The following MAP2 variants were observed in gnomAD, a reference collection of about 807,000 sequenced individuals.
MAP2 encodes the protein microtubule-associated protein 2.
In MAP2, 14 loss-of-function variants were observed where a neutral mutation model predicts 137.6. That is an observed-to-expected ratio of 0.10 (90% CI 0.07 to 0.16). The LOEUF (loss-of-function observed/expected upper bound fraction) is 0.16. Ranked by LOEUF, MAP2 falls within the 10% of genes least tolerant of loss-of-function variation. The pLI is 1.00. For missense variants in MAP2, 2,088 were observed against 2,191.5 expected (o/e 0.95, Z 0.94); for synonymous variants, 786 against 782.3 (o/e 1.00, Z -0.08).
chr2:209,569,434 T>A (rs2074035031), intron 2 of MAP2, among the ~76,000 whole-genome samples: 2 of 151,758 alleles, frequency 1.3e-5, no homozygotes, highest in South Asian at 2.1e-4. Context: ...ACAGGCAGAG[T>A]CTTGCCTTCA....
intron 1 of MAP2, among the ~76,000 whole-genome samples, chr2:209,434,885 T>TTATATATGTTA (rs1559157325): frequency 4.0e-5 from 3 of 74,648 alleles, no homozygotes; most frequent in African/African-American, 7.8e-5. Flanking sequence ...TATATATATG[T>TTATATATGTTA]TATATATATG....
chr2:209,487,851 T>A (rs2149925626), intron 1 of MAP2, among the ~76,000 whole-genome samples: 1 of 152,300 alleles, frequency 6.6e-6, no homozygotes, highest in Non-Finnish European at 1.5e-5. Flanking sequence ...TTAAACTATT[T>A]ATATACCTAA....
chr2:209,690,202 C>T lies in MAP2; in HGVS notation c.455-2423C>T, dbSNP rs372763808. Among the ~76,000 whole-genome samples, 7 of 150,588 alleles carry T rather than the reference C, an allele frequency of 4.6e-5. No individual in the cohort carries two copies. The South Asian group carries it at 1.5e-3, about 32-fold the overall frequency. On this transcript the variant is annotated intron_variant, in intron 7 of 15. Transcript: ENST00000682079. Reference sequence around the variant, plus strand: ...AACAAATTTAAAGGCTTTTTTTTTTCAGTACATCAGTACATCCATCTTTTC... The same window carrying T: ...AACAAATTTAAAGGCTTTTTTTTTTTAGTACATCAGTACATCCATCTTTTC...
chr2:209,640,340 A>AT (rs1355318495), intron 4 of MAP2, among the ~76,000 whole-genome samples: 1 of 152,102 alleles, frequency 6.6e-6, no homozygotes, highest in Admixed American at 6.6e-5. Flanking sequence ...CTGTCCATTA[A>AT]TTTTTTAAAT....
In MAP2 at chr2:209,704,495, T is replaced by C. The variant is rs202234744; in HGVS notation, c.4585-1085T>C. 3.1e-6 allele frequency: 5 copies of C among 1,612,310 alleles called. No homozygotes were observed. The Admixed American group carries it at 6.7e-5, about 22-fold the overall frequency. ...TCCTGCTTTACAGGGTAGCACAAAG[T>C]CCCCAAGATACAGCTCAGCCTGCCC... On this transcript the variant is annotated intron_variant, in intron 11 of 15. Transcript: ENST00000682079.
At chr2:209,645,351 A>G (rs2094348277) in intron 4 of MAP2, among the ~76,000 whole-genome samples, 2 of 152,338 alleles carry the variant, frequency 1.3e-5, no homozygotes, top group Admixed American at 1.3e-4. Flanking sequence ...CTCCAATATA[A>G]TAAGTCATTT....
chr2:209,558,686 C>CTAATAA (rs146564485), intron 2 of MAP2, among the ~76,000 whole-genome samples: 1 of 150,272 alleles, frequency 6.7e-6, no homozygotes, highest in African/African-American at 2.5e-5. Flanking sequence ...TGTTCTTTTT[C>CTAATAA]TAATAATAAT....
chr2:209,605,904 C>A (rs2153473155), intron 3 of MAP2, among the ~76,000 whole-genome samples: 1 of 152,182 alleles, frequency 6.6e-6, no homozygotes, highest in South Asian at 2.1e-4. Flanking sequence ...GTTGTGTTGT[C>A]AGATATTAGC....
intron 5 of MAP2, among the ~76,000 whole-genome samples, chr2:209,670,291 C>T (rs754273667): frequency 4.6e-5 from 7 of 151,896 alleles, no homozygotes; most frequent in Admixed American, 4.6e-4. Flanking sequence ...TGGACACCCC[C>T]AAAACCACCA....
chr2:209,583,086 G>C (rs1306580069), intron 3 of MAP2, among the ~76,000 whole-genome samples: 1 of 151,554 alleles, frequency 6.6e-6, no homozygotes, highest in Admixed American at 6.6e-5. Flanking sequence ...CAAATATCTT[G>C]ATTTATCTGC....
At chr2:209,685,176 C>G (rs1291133920) in intron 7 of MAP2, among the ~76,000 whole-genome samples, 1 of 152,084 alleles carries the variant, frequency 6.6e-6, no homozygotes, top group Admixed American at 6.6e-5. Context: ...CACTACATCC[C>G]TAAAGCTGTT....
At chr2:209,517,157 G>C (rs994352504) in intron 2 of MAP2, among the ~76,000 whole-genome samples, 4 of 152,054 alleles carry the variant, frequency 2.6e-5, no homozygotes, top group African/African-American at 9.7e-5. Flanking sequence ...ACCTGGAACT[G>C]CTGTGTTCCT....
At chr2:209,719,250 C>T (rs1330107573) in intron 13 of MAP2, among the ~76,000 whole-genome samples, 5 of 152,106 alleles carry the variant, frequency 3.3e-5, no homozygotes, top group East Asian at 1.9e-4. Flanking sequence ...AACCTAGGTT[C>T]GTACCTAATG....
chr2:209,573,230 A>G (rs947509684), intron 2 of MAP2, among the ~76,000 whole-genome samples: 12 of 151,674 alleles, frequency 7.9e-5, no homozygotes, highest in African/African-American at 2.7e-4. Context: ...CTTGCTGCCT[A>G]GAGACTGGGA....
At position 209,694,709 on chromosome 2, in the gene MAP2, T is replaced by C; in HGVS notation, c.2539T>C (p.Leu847=). Residue 847 remains leucine (L), a synonymous_variant, in exon 8 of 16, where the codon TTG becomes CTG. Transcript: ENST00000682079. The part of the protein sequence containing the change: ...ETVVEDSRTG[L]PPVTDENHVI... ...TGTGGTTGAGGATAGTCGTACTGGC[T>C]TGCCCCCGGTAACTGATGAAAACCA... 1 of 1,614,106 alleles carries C rather than the reference T, an allele frequency of 6.2e-7. No individual in the cohort carries two copies. Among genetic ancestry groups the C allele is most frequent in the Non-Finnish European group, 8.5e-7 (1 of 1,180,008 alleles).
intron 1 of MAP2, among the ~76,000 whole-genome samples, chr2:209,441,046 C>A (rs761249561): frequency 2.0e-5 from 3 of 151,460 alleles, no homozygotes; most frequent in Non-Finnish European, 4.4e-5. Context: ...CTAAAATCAT[C>A]ATTTATGGTC....
At chr2:209,657,889 A>G (rs192065783) in intron 5 of MAP2, among the ~76,000 whole-genome samples, 1 of 152,262 alleles carries the variant, frequency 6.6e-6, no homozygotes, top group African/African-American at 2.4e-5. Flanking sequence ...TAGGATTTTT[A>G]TAGCTTGAGG....
At chr2:209,489,634 T>C (rs1054659694) in intron 1 of MAP2, among the ~76,000 whole-genome samples, 1 of 152,070 alleles carries the variant, frequency 6.6e-6, no homozygotes, top group African/African-American at 2.4e-5. Context: ...GCACGAGAAC[T>C]TCATGAAGCA....
chr2:209,617,643 C>T (rs187799859), intron 3 of MAP2, among the ~76,000 whole-genome samples: 2 of 152,150 alleles, frequency 1.3e-5, no homozygotes, highest in African/African-American at 4.8e-5. Flanking sequence ...GTGTCTCCTC[C>T]TCTTCTTATA....
Sources: gnomAD v4.1 joint callset for allele counts (sites outside exome capture counted in the v4.1 genomes callset) on GRCh38, gnomAD v4.1.1 for gene constraint, MANE v1.5 for transcripts, NCBI Gene and HGNC (gene_info 2026-07-23, HGNC 2026-07-21) for gene names.